GRM8: variants seen among roughly 807,000 people sequenced by gnomAD.
GRM8 encodes metabotropic glutamate receptor 8.
GRM8 carries 47 observed loss-of-function variants against 87.2 expected under a neutral mutation model. That is an observed-to-expected ratio of 0.54 (90% CI 0.43 to 0.69). The LOEUF is 0.69. GRM8 is among the 30% of genes least tolerant of loss of function. The pLI, the probability that GRM8 is intolerant of heterozygous loss-of-function variation, is 0.00. For synonymous variants in GRM8, 396 were observed against 404.5 expected (o/e 0.98, Z 0.25); for missense variants, 1,019 against 1,139.2 (o/e 0.89, Z 1.52).
intron 3 of GRM8, among the ~76,000 whole-genome samples, chr7:126,907,076 G>A (rs1346937321): frequency 6.6e-6 from 1 of 151,006 alleles, no homozygotes; most frequent in Non-Finnish European, 1.5e-5. Context: ...GAAAAAGAAT[G>A]GAGACGAGAA....
intron 3 of GRM8, among the ~76,000 whole-genome samples, chr7:126,909,276 T>C (rs1803040705): frequency 6.6e-6 from 1 of 152,198 alleles, no homozygotes; most frequent in East Asian, 1.9e-4. Context: ...TAGAATTTGG[T>C]TTAAAAAATA....
At chr7:126,771,704 C>CA (rs1309198584) in intron 6 of GRM8, among the ~76,000 whole-genome samples, 18 of 152,140 alleles carry the variant, frequency 1.2e-4, no homozygotes, top group African/African-American at 4.3e-4. Flanking sequence ...CCCATATTTC[C>CA]AATGGCCTAC....
intron 7 of GRM8, among the ~76,000 whole-genome samples, chr7:126,704,283 T>C (rs1409019379): frequency 6.6e-6 from 1 of 152,170 alleles, no homozygotes; most frequent in Non-Finnish European, 1.5e-5. Flanking sequence ...ACTTATCACT[T>C]CCCCAATCAA....
intron 7 of GRM8, among the ~76,000 whole-genome samples, chr7:126,635,026 C>T (rs1470763924): frequency 1.3e-5 from 2 of 152,112 alleles, no homozygotes; most frequent in Non-Finnish European, 1.5e-5. Context: ...CCTCCTCTTA[C>T]GGGGGTGAAA....
intron 2 of GRM8, among the ~76,000 whole-genome samples, chr7:127,141,446 T>G (rs1828250087): frequency 6.6e-6 from 1 of 152,176 alleles, no homozygotes; most frequent in South Asian, 2.1e-4. Flanking sequence ...AAAAAATTGT[T>G]GAGGATTAGA....
intron 7 of GRM8, among the ~76,000 whole-genome samples, chr7:126,656,725 G>T (rs1332424064): frequency 8.3e-6 from 1 of 120,686 alleles, no homozygotes; most frequent in Non-Finnish European, 1.6e-5. Flanking sequence ...GCCACTAAAA[G>T]AAGATCAGAG....
chr7:126,660,548 T>C (rs1247592287), intron 7 of GRM8, among the ~76,000 whole-genome samples: 1 of 152,218 alleles, frequency 6.6e-6, no homozygotes, highest in Non-Finnish European at 1.5e-5. Flanking sequence ...TTCTATTATA[T>C]ACTAAATGAT....
chr7:126,661,284 A>G (rs1261254191), intron 7 of GRM8, among the ~76,000 whole-genome samples: 6 of 152,162 alleles, frequency 3.9e-5, no homozygotes, highest in Admixed American at 3.3e-4. Flanking sequence ...CATGTACCCC[A>G]TAAGTATATA....
At chr7:126,766,918 G>A (rs1818259381) in intron 7 of GRM8, among the ~76,000 whole-genome samples, 1 of 152,102 alleles carries the variant, frequency 6.6e-6, no homozygotes, top group African/African-American at 2.4e-5. Flanking sequence ...AGCTCCAAAA[G>A]TCTACTTCCA....
intron 7 of GRM8, among the ~76,000 whole-genome samples, chr7:126,642,298 ACTTT>A (rs1802486385): frequency 6.6e-6 from 1 of 152,172 alleles, no homozygotes; most frequent in Non-Finnish European, 1.5e-5. Context: ...ACATCATTAG[ACTTT>A]ACATTTTTAT....
chr7:126,790,593 T>C (rs1405139499), intron 6 of GRM8, among the ~76,000 whole-genome samples: 1 of 152,214 alleles, frequency 6.6e-6, no homozygotes, highest in Non-Finnish European at 1.5e-5. Flanking sequence ...TTACTTTTTT[T>C]CATTAAGGAT....
chr7:126,776,259 G>A (rs1819457362), intron 6 of GRM8, among the ~76,000 whole-genome samples: 1 of 152,070 alleles, frequency 6.6e-6, no homozygotes, highest in Non-Finnish European at 1.5e-5. Flanking sequence ...GATAACCCAG[G>A]GAAGTGAAAA....
At chr7:127,103,956 C>T (rs1002661886) in intron 3 of GRM8, among the ~76,000 whole-genome samples, 6 of 152,160 alleles carry the variant, frequency 3.9e-5, no homozygotes, top group Admixed American at 1.3e-4. Flanking sequence ...CTCCCAGATT[C>T]GCAAAGGACA....
At chr7:126,759,923 C>T (rs1563159944) in intron 7 of GRM8, among the ~76,000 whole-genome samples, 2 of 152,072 alleles carry the variant, frequency 1.3e-5, no homozygotes, top group Non-Finnish European at 2.9e-5. Flanking sequence ...TGTTGCTTGG[C>T]CACTATTACA....
chr7:126,539,195 C>T (rs58516151), intron 8 of GRM8, among the ~76,000 whole-genome samples: 4,095 of 150,688 alleles, frequency 0.027, 157 homozygotes, highest in East Asian at 0.082. Context: ...TACATTAACA[C>T]CAAAAATAAA....
intron 6 of GRM8, among the ~76,000 whole-genome samples, chr7:126,823,734 A>G (rs1385652886): frequency 6.6e-6 from 1 of 152,234 alleles, no homozygotes; most frequent in African/African-American, 2.4e-5. Flanking sequence ...TAAACTCAGA[A>G]CATATGTTAA....
intron 2 of GRM8, among the ~76,000 whole-genome samples, chr7:127,140,039 C>G (rs1343411534): frequency 6.6e-6 from 1 of 152,132 alleles, no homozygotes; most frequent in Non-Finnish European, 1.5e-5. Context: ...GCTATTTACT[C>G]TCTAGTCAAG....
chr7:126,660,806 C>T (rs1049230414), intron 7 of GRM8, among the ~76,000 whole-genome samples: 3 of 152,220 alleles, frequency 2.0e-5, no homozygotes, highest in Admixed American at 6.5e-5. Flanking sequence ...ATTCTTATAA[C>T]GAGCACTACC....
At chr7:126,646,391 C>A (rs1223851700) in intron 7 of GRM8, among the ~76,000 whole-genome samples, 1 of 152,160 alleles carries the variant, frequency 6.6e-6, no homozygotes, top group African/African-American at 2.4e-5. Context: ...TTCTACTTTT[C>A]TTTTCAGCCA....
Sources: gnomAD v4.1 joint callset for allele counts (sites outside exome capture counted in the v4.1 genomes callset) on GRCh38, gnomAD v4.1.1 for gene constraint, MANE v1.5 for transcripts, NCBI Gene and HGNC (gene_info 2026-07-23, HGNC 2026-07-21) for gene names.